The following KCTD16 variants were observed in gnomAD, a reference collection of about 807,000 sequenced individuals.
The protein encoded by KCTD16 is BTB/POZ domain-containing protein KCTD16.
In KCTD16, 13 loss-of-function variants were observed where a neutral mutation model predicts 33.2. The observed-to-expected ratio is 0.39, with a 90% confidence interval of 0.25 to 0.62. The LOEUF (loss-of-function observed/expected upper bound fraction) is 0.62. KCTD16 is among the 20% of genes least tolerant of loss of function. KCTD16 has a pLI of 0.50. For synonymous variants in KCTD16, 197 were observed against 195.3 expected (o/e 1.01, Z -0.07); for missense variants, 441 against 525.1 (o/e 0.84, Z 1.57).
In KCTD16 at chr5:144,174,429, G is replaced by A. The variant is rs1377622973; in HGVS notation, c.-370G>A. 1 of 151,916 alleles carries A rather than the reference G, an allele frequency of 6.6e-6. No homozygotes were observed. The highest frequency in any genetic ancestry group is 1.5e-5 in the Non-Finnish European group (1 of 67,972). The allele number at this position is 151,916 out of a possible 1,614,324, so 9.4% of individuals were successfully genotyped here. Reference sequence around the variant, plus strand: ...AGATCTGGCAGCTCTGTGTATTTCAGTCAAGTTCCACAATGAAACCTGACA... The same window carrying A: ...AGATCTGGCAGCTCTGTGTATTTCAATCAAGTTCCACAATGAAACCTGACA... On this transcript the variant is annotated 5_prime_UTR_variant, in exon 2 of 4. Transcript: ENST00000512467.
At chr5:144,426,535 A>T (rs574681897) in intron 3 of KCTD16, among the ~76,000 whole-genome samples, 76 of 152,162 alleles carry the variant, frequency 5.0e-4, no homozygotes, top group Non-Finnish European at 8.2e-4. Context: ...TGTTTTTTTT[A>T]AAAATAGTAT....
intron 3 of KCTD16, among the ~76,000 whole-genome samples, chr5:144,297,240 A>T (rs962523674): frequency 6.6e-6 from 1 of 152,226 alleles, no homozygotes; most frequent in Non-Finnish European, 1.5e-5. Context: ...AAGTAAAACT[A>T]TACTACCATG....
intron 2 of KCTD16, among the ~76,000 whole-genome samples, chr5:144,203,309 T>C (rs975470416): frequency 1.3e-5 from 2 of 152,120 alleles, no homozygotes; most frequent in African/African-American, 2.4e-5. Context: ...TGTTTAGTAA[T>C]CTTGAAATTT....
At chr5:144,411,532 A>T (rs1047083525) in intron 3 of KCTD16, among the ~76,000 whole-genome samples, 1 of 152,158 alleles carries the variant, frequency 6.6e-6, no homozygotes, top group African/African-American at 2.4e-5. Context: ...AAAAAAATTA[A>T]CTCAAATGAA....
chr5:144,197,410 A>G (rs895449723), intron 2 of KCTD16, among the ~76,000 whole-genome samples: 13 of 152,234 alleles, frequency 8.5e-5, no homozygotes, highest in African/African-American at 3.1e-4. Context: ...AAAATTAGAT[A>G]TGCTACACTC....
At chr5:144,316,577 C>A (rs898652534) in intron 3 of KCTD16, among the ~76,000 whole-genome samples, 2 of 138,698 alleles carry the variant, frequency 1.4e-5, no homozygotes, top group Admixed American at 7.9e-5. Flanking sequence ...GTGGCGCGAT[C>A]TCTCCACTCA....
chr5:144,248,643 A>T (rs1033203785), intron 3 of KCTD16, among the ~76,000 whole-genome samples: 1 of 152,208 alleles, frequency 6.6e-6, no homozygotes. Flanking sequence ...CCAACCATTT[A>T]GGCAGGGAAT....
intron 3 of KCTD16, among the ~76,000 whole-genome samples, chr5:144,409,426 A>G (rs1561597298): frequency 1.3e-5 from 2 of 152,146 alleles, no homozygotes; most frequent in South Asian, 4.1e-4. Flanking sequence ...TTCTTGGGAC[A>G]CTTGTGTTAT....
At chr5:144,346,696 T>C (rs536515011) in intron 3 of KCTD16, among the ~76,000 whole-genome samples, 22 of 152,218 alleles carry the variant, frequency 1.4e-4, no homozygotes, top group Non-Finnish European at 2.9e-4. Flanking sequence ...CCATTTTTGA[T>C]TGGATTATTA....
chr5:144,319,161 G>A (rs1752007467), intron 3 of KCTD16, among the ~76,000 whole-genome samples: 1 of 151,932 alleles, frequency 6.6e-6, no homozygotes, highest in African/African-American at 2.4e-5. Context: ...TTATATGGTT[G>A]TTTTGTGTCC....
chr5:144,306,352 T>G (rs1751603158), intron 3 of KCTD16, among the ~76,000 whole-genome samples: 1 of 152,232 alleles, frequency 6.6e-6, no homozygotes, highest in African/African-American at 2.4e-5. Context: ...TAGGAAAACT[T>G]ACCAGAACAG....
At chr5:144,201,239 T>C (rs907716280) in intron 2 of KCTD16, among the ~76,000 whole-genome samples, 2 of 152,212 alleles carry the variant, frequency 1.3e-5, no homozygotes, top group Non-Finnish European at 2.9e-5. Flanking sequence ...AATAATCTTG[T>C]CTGGCAAAAG....
chr5:144,186,830 G>T (rs1273264837), intron 2 of KCTD16, among the ~76,000 whole-genome samples: 2 of 152,082 alleles, frequency 1.3e-5, no homozygotes, highest in Non-Finnish European at 2.9e-5. Flanking sequence ...GAATAATGAA[G>T]ACAAAAAGAA....
At chr5:144,183,056 AAT>A (rs1752658240) in intron 2 of KCTD16, among the ~76,000 whole-genome samples, 1 of 152,134 alleles carries the variant, frequency 6.6e-6, no homozygotes, top group East Asian at 1.9e-4. Flanking sequence ...AAAAAAAAAA[AAT>A]AAAAGAGTGG....
At chr5:144,341,125 C>CAAAGGGAACTGAGTTATAATTT (rs1328966165) in intron 3 of KCTD16, among the ~76,000 whole-genome samples, 1 of 152,110 alleles carries the variant, frequency 6.6e-6, no homozygotes, top group Non-Finnish European at 1.5e-5. Flanking sequence ...ACTTCCCAGC[C>CAAAGGGAACTGAGTTATAATTT]TTCCAAAACT....
chr5:144,401,822 A>G (rs1418403810), intron 3 of KCTD16, among the ~76,000 whole-genome samples: 2 of 152,222 alleles, frequency 1.3e-5, no homozygotes, highest in East Asian at 1.9e-4. Flanking sequence ...TCTGTATTTC[A>G]TAGATATGGA....
At chr5:144,256,789 A>G (rs919170544) in intron 3 of KCTD16, among the ~76,000 whole-genome samples, 6 of 151,930 alleles carry the variant, frequency 3.9e-5, no homozygotes, top group African/African-American at 1.2e-4. Context: ...ATTGTATACC[A>G]AAAACTTTAG....
At chr5:144,184,717 TGTGAG>T (rs1752691160) in intron 2 of KCTD16, among the ~76,000 whole-genome samples, 1 of 152,144 alleles carries the variant, frequency 6.6e-6, no homozygotes, top group Non-Finnish European at 1.5e-5. Flanking sequence ...TGCTGGTGAG[TGTGAG>T]GTGATATCTT....
intron 3 of KCTD16, among the ~76,000 whole-genome samples, chr5:144,441,961 C>A (rs1753721580): frequency 6.6e-6 from 1 of 151,748 alleles, no homozygotes. Context: ...TATTCACGAA[C>A]ATTTCAACAT....
Sources: allele counts gnomAD v4.1 joint callset (sites outside exome capture counted in the v4.1 genomes callset), GRCh38; gene constraint gnomAD v4.1.1; transcripts MANE v1.5; gene names NCBI Gene and HGNC (gene_info 2026-07-23, HGNC 2026-07-21).